Variants in BTRC observed in about 807,000 individuals in gnomAD.
BTRC encodes F-box/WD repeat-containing protein 1A.
In BTRC, 42 loss-of-function variants were observed where a neutral mutation model predicts 85.5. The ratio of observed to expected loss-of-function variants is 0.49; its 90% CI spans 0.38 to 0.64. The LOEUF is 0.64. Among genes scored for constraint, BTRC ranks in the 30% least tolerant of loss-of-function variants. The pLI is 0.00. For synonymous variants in BTRC, 255 were observed against 263.3 expected, an observed-to-expected ratio of 0.97 and a Z score of 0.30; for missense variants, 594 against 743.5, an observed-to-expected ratio of 0.80 and a Z score of 2.34.
At chr10:101,505,159 A>ATATG (rs1564812250) in intron 4 of BTRC, among the ~76,000 whole-genome samples, 396 of 19,330 alleles carry the variant, frequency 0.02, 1 homozygote, top group African/African-American at 0.057. Flanking sequence ...ATGTATATGT[A>ATATG]TATATATATA....
chr10:101,516,581 C>T (rs186675087), intron 4 of BTRC, among the ~76,000 whole-genome samples: 5 of 152,234 alleles, frequency 3.3e-5, no homozygotes, highest in East Asian at 1.9e-4. Flanking sequence ...TTGATAAATA[C>T]GTGAAATCTC....
In BTRC at chr10:101,354,184, G is replaced by C; in HGVS notation, c.4G>C (p.Asp2His). 1 of 1,549,196 alleles carries C rather than the reference G, an allele frequency of 6.5e-7. No homozygotes were observed. The highest frequency in any genetic ancestry group is 1.2e-5 in the South Asian group (1 of 83,972). ...GGACCCAGTGGCCTCGGCGATTATG[G>C]ACCCGGCCGAGGCGGTGCTGCAAGA... M[D>H]PAEAVLQEKA... Residue 2 changes from aspartate (D) to histidine (H), a missense_variant, in exon 1 of 15, where the codon GAC becomes CAC. Asp to His is a moderately conservative substitution (Grantham distance 81, BLOSUM62 -1). Coordinates refer to ENST00000370187, the MANE Select transcript of BTRC (RefSeq NM_033637.4).
chr10:101,366,794 ACATT>A (rs1942397244), intron 1 of BTRC, among the ~76,000 whole-genome samples: 1 of 93,612 alleles, frequency 1.1e-5, no homozygotes, highest in South Asian at 2.9e-4. Context: ...ATATATTTTT[ACATT>A]TATATATATA....
rs1471017781 is a variant in BTRC, at chr10:101,389,115, G to GTTTTTTTTTTTTTTTTTTTTTTTTTT, written c.48+34888_48+34889insTTTTTTTTTTTTTTTTTTTTTTTTTT. Among the ~76,000 whole-genome samples, 3 of 35,462 alleles carry GTTTTTTTTTTTTTTTTTTTTTTTTTT rather than the reference G, an allele frequency of 8.5e-5. 1 individual carries two copies. The highest frequency in any genetic ancestry group is 1.5e-4 in the Non-Finnish European group (3 of 20,258). 23.3% of individuals were successfully genotyped at this position (35,462 alleles called of 152,430 possible). A position where few individuals can be genotyped will look rare whatever the true frequency, so the allele number is the denominator to read the frequency against. On this transcript the variant is annotated intron_variant, in intron 1 of 14. Transcript: ENST00000370187. The stretch of plus-strand genomic sequence containing the variant: ...ATGTTGCATAATTGTGATTTTTTGT[G>GTTTTTTTTTTTTTTTTTTTTTTTTTT]TGTGTTTTTTTTTTTTTTTTTTTTT...
intron 1 of BTRC, among the ~76,000 whole-genome samples, chr10:101,371,165 T>C (rs1173592095): frequency 1.6e-5 from 1 of 61,866 alleles, no homozygotes; most frequent in Non-Finnish European, 5.1e-5. Context: ...ACCACTATTC[T>C]TTTTTTTTTG....
intron 1 of BTRC, among the ~76,000 whole-genome samples, chr10:101,417,411 A>C (rs944543467): frequency 3.3e-5 from 5 of 152,210 alleles, no homozygotes; most frequent in Non-Finnish European, 5.9e-5. Flanking sequence ...TATTCTCATG[A>C]TTAGATCCAA....
intron 1 of BTRC, among the ~76,000 whole-genome samples, chr10:101,429,041 A>G (rs969662515): frequency 1.3e-5 from 2 of 152,206 alleles, no homozygotes; most frequent in African/African-American, 2.4e-5. Flanking sequence ...ACTTTCTACA[A>G]CTATATTGTT....
chr10:101,537,379 T>C (rs912656065), intron 12 of BTRC, among the ~76,000 whole-genome samples: 4 of 152,098 alleles, frequency 2.6e-5, no homozygotes, highest in African/African-American at 9.7e-5. Context: ...AGTACAAAAA[T>C]TAGCCAGGTG....
chr10:101,364,818 C>CTTTT (rs35315208), intron 1 of BTRC: 1 of 135,838 alleles, frequency 7.4e-6, no homozygotes, highest in Non-Finnish European at 1.6e-5. Context: ...TCTTTTAATT[C>CTTTT]TTTTTTTTTT....
chr10:101,522,368 AAAAAAAAAC>A lies in BTRC; in HGVS notation c.556+507_556+515del, dbSNP rs1278133570. ...ATAAAGCTTTAAAAAAAAAAAAAACAAAAAAAAACAAAAAAAAAAAAACTCTAGAAATAA... is the reference window on the plus strand; with the variant it reads ...ATAAAGCTTTAAAAAAAAAAAAAACAAAAAAAAAAAAAACTCTAGAAATAA... On this transcript the variant is annotated intron_variant, in intron 5 of 14. Coordinates refer to ENST00000370187, the MANE Select transcript of BTRC (RefSeq NM_033637.4). Among the ~76,000 whole-genome samples the A allele has an allele frequency of 6.0e-3, 323 of 54,130 alleles. 34 individuals carry two copies. Among genetic ancestry groups the A allele is most frequent in the Non-Finnish European group, 0.01 (273 of 27,080 alleles). 35.5% of individuals were successfully genotyped at this position (54,130 alleles called of 152,430 possible).
chr10:101,488,247 A>C (rs1246954779), intron 4 of BTRC, among the ~76,000 whole-genome samples: 1 of 152,208 alleles, frequency 6.6e-6, no homozygotes, highest in African/African-American at 2.4e-5. Context: ...AGCAAAATCC[A>C]GGCAGCCAGC....
intron 1 of BTRC, among the ~76,000 whole-genome samples, chr10:101,421,714 G>A (rs1253722755): frequency 2.7e-5 from 4 of 146,078 alleles, no homozygotes; most frequent in Admixed American, 1.4e-4. Context: ...GAGTGAGAAC[G>A]TGCAGTGTTT....
At chr10:101,379,857 A>G (rs1432723733) in intron 1 of BTRC, among the ~76,000 whole-genome samples, 2 of 152,238 alleles carry the variant, frequency 1.3e-5, no homozygotes, top group African/African-American at 2.4e-5. Flanking sequence ...CACATTTAAC[A>G]AAATGATTGT....
chr10:101,461,445 G>A (rs769966309), intron 2 of BTRC, among the ~76,000 whole-genome samples: 5 of 152,046 alleles, frequency 3.3e-5, no homozygotes, highest in Non-Finnish European at 5.9e-5. Flanking sequence ...TGTTTGAGGT[G>A]ACAGTGCCAA....
chr10:101,460,218 T>A (rs1945188139), intron 2 of BTRC, among the ~76,000 whole-genome samples: 1 of 151,300 alleles, frequency 6.6e-6, no homozygotes, highest in Non-Finnish European at 1.5e-5. Context: ...AAAACATTGA[T>A]CTTTACATTT....
intron 2 of BTRC, among the ~76,000 whole-genome samples, chr10:101,434,618 T>G (rs1337392812): frequency 1.3e-5 from 2 of 152,024 alleles, no homozygotes; most frequent in African/African-American, 4.8e-5. Flanking sequence ...ATTCTGCTTT[T>G]CAAAAGACAC....
chr10:101,366,918 TTA>T (rs1285770211), intron 1 of BTRC, among the ~76,000 whole-genome samples: 19 of 3,184 alleles, frequency 6.0e-3, no homozygotes, highest in South Asian at 0.032. Flanking sequence ...TAATATATAT[TTA>T]TATATATTTA....
intron 3 of BTRC, among the ~76,000 whole-genome samples, chr10:101,473,573 C>T (rs771869674): frequency 3.1e-4 from 45 of 146,370 alleles, no homozygotes; most frequent in African/African-American, 2.6e-4. Flanking sequence ...CGGGTTCAAG[C>T]GATTCTCCTC....
At chr10:101,448,403 CT>C (rs1340108573) in intron 2 of BTRC, among the ~76,000 whole-genome samples, 3 of 152,084 alleles carry the variant, frequency 2.0e-5, no homozygotes, top group African/African-American at 7.2e-5. Context: ...TAAATTACCC[CT>C]GGTAGAACTC....
Sources: gnomAD v4.1 joint callset for allele counts (sites outside exome capture counted in the v4.1 genomes callset) on GRCh38, gnomAD v4.1.1 for gene constraint, MANE v1.5 for transcripts, NCBI Gene and HGNC (gene_info 2026-07-23, HGNC 2026-07-21) for gene names.